CCDC175: variants seen among roughly 807,000 people sequenced by gnomAD.
CCDC175 encodes the protein coiled-coil domain-containing protein 175.
CCDC175 carries 100 observed loss-of-function variants against 114.6 expected under a neutral mutation model. The observed-to-expected ratio is 0.87, with a 90% confidence interval of 0.74 to 1.03. CCDC175 has a LOEUF of 1.03. CCDC175 is among the 50% of genes least tolerant of loss of function. CCDC175 has a pLI of 0.00. For missense variants in CCDC175, 880 were observed against 917.8 expected, an observed-to-expected ratio of 0.96 and a Z score of 0.53; for synonymous variants, 306 against 308.7, an observed-to-expected ratio of 0.99 and a Z score of 0.09.
chr14:59,552,666 C>T (rs780898668), intron 7 of CCDC175, among the ~76,000 whole-genome samples: 7 of 152,152 alleles, frequency 4.6e-5, no homozygotes, highest in Admixed American at 1.3e-4. Flanking sequence ...TCAAACTTCT[C>T]CAAGCTAAAG....
chr14:59,553,484 G>C (rs892707441), intron 7 of CCDC175, among the ~76,000 whole-genome samples: 24 of 152,244 alleles, frequency 1.6e-4, no homozygotes, highest in African/African-American at 5.1e-4. Context: ...TGGAAAGGAA[G>C]AACCGGCACC....
chr14:59,574,650 C>G (rs1012495949), intron 2 of CCDC175, among the ~76,000 whole-genome samples: 1 of 152,132 alleles, frequency 6.6e-6, no homozygotes, highest in Non-Finnish European at 1.5e-5. Flanking sequence ...CCATGTGGTC[C>G]ACCTCTTAAC....
intron 7 of CCDC175, among the ~76,000 whole-genome samples, chr14:59,557,665 A>C (rs183358667): frequency 2.0e-5 from 3 of 151,988 alleles, no homozygotes; most frequent in African/African-American, 7.2e-5. Flanking sequence ...CAGAAAAGTC[A>C]TATTTCCTTA....
chr14:59,512,749 A>G (rs116890506), intron 17 of CCDC175, among the ~76,000 whole-genome samples: 1 of 151,898 alleles, frequency 6.6e-6, no homozygotes, highest in Non-Finnish European at 1.5e-5. Flanking sequence ...TAAAAAGTCT[A>G]TTCTTCCAAC....
intron 7 of CCDC175, among the ~76,000 whole-genome samples, chr14:59,555,696 G>T (rs1895849157): frequency 6.6e-6 from 1 of 152,320 alleles, no homozygotes; most frequent in African/African-American, 2.4e-5. Flanking sequence ...CAGATGACAT[G>T]ATTGTATATT....
At chr14:59,517,347 G>T (rs1274589995) in intron 17 of CCDC175, among the ~76,000 whole-genome samples, 1 of 152,150 alleles carries the variant, frequency 6.6e-6, no homozygotes, top group Non-Finnish European at 1.5e-5. Context: ...AGGAAATAAA[G>T]GGTATTCAAT....
chr14:59,521,722 T>C lies in CCDC175; in HGVS notation c.1996-46A>G, dbSNP rs192960993. 36 of 1,050,148 alleles carry C rather than the reference T, an allele frequency of 3.4e-5. No individual in the cohort carries two copies. The East Asian group carries it at 4.1e-4, about 12-fold the overall frequency. 65.1% of individuals were successfully genotyped at this position (1,050,148 alleles called of 1,614,324 possible). On this transcript the variant is annotated intron_variant, in intron 16 of 19. Transcript: ENST00000537690. ...ATTGCTTTTAGCAGTTTAGTTACTA[T>C]AGATAAATTATCATGTAGTCATTCA... is the stretch of plus-strand genomic sequence containing the variant.
intron 4 of CCDC175, among the ~76,000 whole-genome samples, chr14:59,567,702 T>C (rs1320398843): frequency 1.3e-5 from 2 of 152,286 alleles, no homozygotes; most frequent in East Asian, 3.9e-4. Flanking sequence ...CAGTTTCATA[T>C]ATTATCTCAT....
At chr14:59,522,594 TCTC>T in intron 16 of CCDC175, among the ~76,000 whole-genome samples, 1 of 152,320 alleles carries the variant, frequency 6.6e-6, no homozygotes, top group Non-Finnish European at 1.5e-5. Context: ...TCTCTTTTTA[TCTC>T]CTCTCCACAG....
chr14:59,574,089 T>C (rs1896979189), intron 2 of CCDC175, among the ~76,000 whole-genome samples: 3 of 152,148 alleles, frequency 2.0e-5, no homozygotes, highest in Admixed American at 6.5e-5. Context: ...ACAACACACA[T>C]GATCCCTCAG....
chr14:59,552,731 G>A (rs141955510), intron 7 of CCDC175, among the ~76,000 whole-genome samples: 1,880 of 152,200 alleles, frequency 0.012, 30 homozygotes, highest in African/African-American at 0.044. Flanking sequence ...AAGATTAGAC[G>A]AATGGCTAAC....
chr14:59,550,805 A>C (rs995847320), intron 8 of CCDC175, among the ~76,000 whole-genome samples: 33 of 152,198 alleles, frequency 2.2e-4, no homozygotes, highest in African/African-American at 7.9e-4. Flanking sequence ...CTGGCAGCTG[A>C]TTAGATGCTG....
chr14:59,553,933 C>T, intron 7 of CCDC175, among the ~76,000 whole-genome samples: 1 of 152,168 alleles, frequency 6.6e-6, no homozygotes, highest in African/African-American at 2.4e-5. Context: ...AATATATATG[C>T]ACCCAATACA....
chr14:59,513,161 T>C (rs1362922580), intron 17 of CCDC175, among the ~76,000 whole-genome samples: 1 of 152,116 alleles, frequency 6.6e-6, no homozygotes, highest in Non-Finnish European at 1.5e-5. Context: ...CTTCACATCA[T>C]ATAAAAAAGT....
At chr14:59,547,005 G>A (rs544889712) in intron 8 of CCDC175, among the ~76,000 whole-genome samples, 13 of 151,980 alleles carry the variant, frequency 8.6e-5, no homozygotes, top group African/African-American at 9.7e-5. Context: ...TTTGAGAGGC[G>A]GAGGTGGGAG....
chr14:59,521,783 C>A, intron 16 of CCDC175, 107 bp from the exon 17 acceptor site: 1 of 660,344 alleles, frequency 1.5e-6, no homozygotes, highest in East Asian at 2.8e-5. Flanking sequence ...GCGCCACCCA[C>A]TATTCTAGGT....
chr14:59,511,548 T>TTAAAAA (rs548112842), intron 18 of CCDC175, among the ~76,000 whole-genome samples: 4 of 94,642 alleles, frequency 4.2e-5, no homozygotes, highest in Non-Finnish European at 7.9e-5. Context: ...TGATATTTGG[T>TTAAAAA]AAAAAAAAAA....
At chr14:59,523,887 G>C (rs1025398012) in intron 16 of CCDC175, among the ~76,000 whole-genome samples, 2 of 152,134 alleles carry the variant, frequency 1.3e-5, no homozygotes, top group African/African-American at 4.8e-5. Context: ...TACTCGGGAG[G>C]CTGAGGCAGG....
At chr14:59,508,302 A>G (rs1037197615) in intron 19 of CCDC175, among the ~76,000 whole-genome samples, 5 of 151,694 alleles carry the variant, frequency 3.3e-5, no homozygotes, top group African/African-American at 4.8e-5. Flanking sequence ...GCACACACAT[A>G]TAATCCCAGC....
Sources: allele counts gnomAD v4.1 joint callset (sites outside exome capture counted in the v4.1 genomes callset), GRCh38; gene constraint gnomAD v4.1.1; transcripts MANE v1.5; gene names NCBI Gene and HGNC (gene_info 2026-07-23, HGNC 2026-07-21).